Variants in PRKN observed in about 807,000 individuals in gnomAD.
The protein encoded by PRKN is parkin RBR E3 ubiquitin protein ligase.
PRKN carries 56 observed loss-of-function variants against 59.5 expected under a neutral mutation model. The ratio of observed to expected loss-of-function variants is 0.94; its 90% confidence interval spans 0.76 to 1.18. The LOEUF is 1.18. Ranked by LOEUF, PRKN falls within the 50% of genes most tolerant of loss-of-function variation. The pLI is 0.00. For synonymous variants in PRKN, 250 were observed against 222.1 expected (o/e 1.13, Z -1.12); for missense variants, 657 against 596.4 (o/e 1.10, Z -1.06).
chr6:162,405,358 C>T (rs764100398), intron 2 of PRKN, among the ~76,000 whole-genome samples: 10 of 152,142 alleles, frequency 6.6e-5, no homozygotes, highest in Admixed American at 3.3e-4. Flanking sequence ...TTCTCTAAGT[C>T]GCCCTCACAC....
chr6:161,523,593 C>T (rs922211273), intron 9 of PRKN, among the ~76,000 whole-genome samples: 1 of 152,202 alleles, frequency 6.6e-6, no homozygotes, highest in Non-Finnish European at 1.5e-5. Flanking sequence ...CACCATGGAA[C>T]TAGCTATGTG....
chr6:161,516,826 C>CAAAAAAAAAAAAAAAAAAAAAAAAAAAA (rs369136348), intron 9 of PRKN, among the ~76,000 whole-genome samples: 2 of 63,210 alleles, frequency 3.2e-5, no homozygotes, highest in African/African-American at 1.3e-4. Flanking sequence ...GACTCAATCT[C>CAAAAAAAAAAAAAAAAAAAAAAAAAAAA]AAAAAAAAAA....
intron 7 of PRKN, among the ~76,000 whole-genome samples, chr6:161,665,782 G>A (rs1206349627): frequency 6.6e-6 from 1 of 152,178 alleles, no homozygotes; most frequent in South Asian, 2.1e-4. Flanking sequence ...TTCATATTAA[G>A]TCTTATATGA....
At chr6:162,672,109 A>G (rs1584022436) in intron 1 of PRKN, among the ~76,000 whole-genome samples, 1 of 152,186 alleles carries the variant, frequency 6.6e-6, no homozygotes, top group African/African-American at 2.4e-5. Flanking sequence ...ATAATATAGA[A>G]TTAACCATTT....
In PRKN at chr6:161,357,934, C is replaced by G. The variant is rs1010913713; in HGVS notation, c.1285+2154G>C. 6.6e-6 allele frequency among the ~76,000 whole-genome samples: 1 copy of G among 152,252 alleles called. No individual in the cohort carries two copies. The highest frequency in any genetic ancestry group is 1.9e-4 in the East Asian group (1 of 5,196). On this transcript the variant is annotated intron_variant, in intron 11 of 11. Coordinates refer to ENST00000366898, the MANE Select transcript of PRKN (RefSeq NM_004562.3). This position sits in a 1 kb window ranked among gnomAD's most constrained non-coding sequence, Gnocchi z 5.5. ...TTATGAACGAGCAAACTGGTGCTCA[C>G]ACAGCCACAGTCCATGGCAGAGTCC... is the stretch of plus-strand genomic sequence containing the variant.
intron 1 of PRKN, among the ~76,000 whole-genome samples, chr6:162,460,764 T>C (rs1273404270): frequency 1.3e-5 from 2 of 152,228 alleles, no homozygotes; most frequent in Non-Finnish European, 2.9e-5. Flanking sequence ...AACATCATCT[T>C]TCACATTTAG....
chr6:161,623,991 T>A (rs1783000829), intron 7 of PRKN, among the ~76,000 whole-genome samples: 1 of 152,234 alleles, frequency 6.6e-6, no homozygotes, highest in African/African-American at 2.4e-5. Context: ...TTTTCACTTT[T>A]CTTTGAATTA....
intron 9 of PRKN, among the ~76,000 whole-genome samples, chr6:161,495,632 C>T (rs1030699254): frequency 6.6e-6 from 1 of 152,238 alleles, no homozygotes; most frequent in Non-Finnish European, 1.5e-5. Flanking sequence ...CACCTGAGCA[C>T]GCTCAAGGGA....
intron 4 of PRKN, among the ~76,000 whole-genome samples, chr6:162,112,657 T>C (rs547911184): frequency 6.6e-6 from 1 of 152,034 alleles, no homozygotes; most frequent in Non-Finnish European, 1.5e-5. Context: ...GGCTCATGTG[T>C]ATAATCCCAG....
chr6:161,569,335 C>T lies in PRKN; in HGVS notation c.933+20G>A, dbSNP rs760813606. On this transcript the variant is annotated intron_variant, in intron 8 of 11. Coordinates refer to ENST00000366898, the MANE Select transcript of PRKN (RefSeq NM_004562.3). ...TATCTTTCATGACAGTCTGATGCAGCCTTTGAGATGCTCACTCACCTGCTC... is the reference window on the plus strand; with the variant it reads ...TATCTTTCATGACAGTCTGATGCAGTCTTTGAGATGCTCACTCACCTGCTC... 8.7e-6 allele frequency: 14 copies of T among 1,607,874 alleles called. No homozygotes were observed. In the Admixed American group the frequency reaches 2.0e-4, roughly 23 times the overall value.
At chr6:161,877,687 C>A (rs1031437495) in intron 6 of PRKN, among the ~76,000 whole-genome samples, 9 of 151,880 alleles carry the variant, frequency 5.9e-5, no homozygotes, top group Non-Finnish European at 1.2e-4. Flanking sequence ...CCAGGATGGT[C>A]TTGATCTACT....
At chr6:161,968,605 G>A (rs987830143) in intron 6 of PRKN, among the ~76,000 whole-genome samples, 5 of 152,026 alleles carry the variant, frequency 3.3e-5, no homozygotes, top group Admixed American at 6.6e-5. Flanking sequence ...ACTATCCTCC[G>A]ATTTTCATCT....
chr6:161,719,401 C>T (rs1010742611), intron 7 of PRKN, among the ~76,000 whole-genome samples: 4 of 152,060 alleles, frequency 2.6e-5, no homozygotes. Flanking sequence ...ACCAGCTAAC[C>T]AACATTACAG....
At chr6:161,921,290 G>A (rs1406845037) in intron 6 of PRKN, among the ~76,000 whole-genome samples, 1 of 152,116 alleles carries the variant, frequency 6.6e-6, no homozygotes, top group Non-Finnish European at 1.5e-5. Context: ...GCAATGACAT[G>A]CATGGACCTG....
rs1583159349 is a variant in PRKN, at chr6:161,783,084, G to A, written c.871+2688C>T. On this transcript the variant is annotated intron_variant, in intron 7 of 11. Coordinates refer to ENST00000366898, the MANE Select transcript of PRKN (RefSeq NM_004562.3). ...ACACTTAGGTGATGGTGTCGATACT[G>A]TAATACTGATACTGTTGTGGGTGCA... Among the ~76,000 whole-genome samples, 6 of 152,082 alleles carry A rather than the reference G, an allele frequency of 3.9e-5. No individual in the cohort carries two copies. In the South Asian group the frequency reaches 1.0e-3, roughly 26 times the overall value.
At chr6:162,462,201 T>C (rs910113999) in intron 1 of PRKN, among the ~76,000 whole-genome samples, 26 of 152,168 alleles carry the variant, frequency 1.7e-4, no homozygotes, top group African/African-American at 6.3e-4. Context: ...TAAGACAACA[T>C]GTTAACTAAT....
chr6:161,401,313 T>G lies in PRKN; in HGVS notation c.1084-14436A>C, dbSNP rs1216172852. 6.6e-6 allele frequency among the ~76,000 whole-genome samples: 1 copy of G among 152,060 alleles called. No homozygotes were observed. On this transcript the variant is annotated intron_variant, in intron 9 of 11. Coordinates refer to ENST00000366898, the MANE Select transcript of PRKN (RefSeq NM_004562.3). The surrounding 1 kb of genome is among the most constrained non-coding windows in gnomAD (Gnocchi z 4.4). Reference sequence around the variant, plus strand: ...CTTGCTTTAGCACCAAAGAATTAATTTTAAAAGTTAGAGTTGGCCGGGCAT... The same window carrying G: ...CTTGCTTTAGCACCAAAGAATTAATGTTAAAAGTTAGAGTTGGCCGGGCAT...
chr6:162,393,951 A>T (rs1176706944), intron 2 of PRKN, among the ~76,000 whole-genome samples: 2 of 152,182 alleles, frequency 1.3e-5, no homozygotes, highest in African/African-American at 4.8e-5. Context: ...GGTCATTTTG[A>T]TTACAAAAGA....
chr6:161,751,433 T>C (rs1304515537), intron 7 of PRKN, among the ~76,000 whole-genome samples: 1 of 152,240 alleles, frequency 6.6e-6, no homozygotes, highest in African/African-American at 2.4e-5. Flanking sequence ...CTTGGTTTGT[T>C]ATCTTGCACT....
Sources: gnomAD v4.1 joint callset for allele counts (sites outside exome capture counted in the v4.1 genomes callset) on GRCh38, gnomAD v4.1.1 for gene constraint, Gnocchi (gnomAD v3.1) non-coding constraint, MANE v1.5 for transcripts, NCBI Gene and HGNC (gene_info 2026-07-23, HGNC 2026-07-21) for gene names.